Variants in ENG observed in about 807,000 individuals in gnomAD.
ENG encodes the protein endoglin, also known as CD105 antigen.
ENG carries 17 observed loss-of-function variants against 71.0 expected under a neutral mutation model. The observed-to-expected ratio is 0.24, with a 90% CI of 0.16 to 0.36. The LOEUF (loss-of-function observed/expected upper bound fraction) is 0.36. Ranked by LOEUF, ENG falls within the 10% of genes least tolerant of loss-of-function variation. The pLI is 1.00. For missense variants in ENG, 749 were observed against 868.3 expected (o/e 0.86, Z 1.73); for synonymous variants, 360 against 366.9 (o/e 0.98, Z 0.21).
intron 1 of ENG, among the ~76,000 whole-genome samples, chr9:127,850,733 C>T (rs1044926452): frequency 6.6e-5 from 10 of 152,256 alleles, no homozygotes; most frequent in African/African-American, 2.2e-4. Context: ...GAACACTCTT[C>T]AATCCCAGCC....
chr9:127,851,197 T>TA (rs1236853090), intron 1 of ENG, among the ~76,000 whole-genome samples: 1 of 152,116 alleles, frequency 6.6e-6, no homozygotes, highest in Non-Finnish European at 1.5e-5. Flanking sequence ...TTAATTGCTT[T>TA]AAAAAAATCT....
intron 1 of ENG, among the ~76,000 whole-genome samples, chr9:127,849,608 G>C (rs1435156138): frequency 1.3e-5 from 2 of 152,234 alleles, no homozygotes; most frequent in African/African-American, 4.8e-5. Flanking sequence ...GAGGAAGACA[G>C]AGCAGGGCAT....
At chr9:127,833,522 CAAAAA>C (rs57982372) in intron 2 of ENG, among the ~76,000 whole-genome samples, 19 of 66,812 alleles carry the variant, frequency 2.8e-4, no homozygotes, top group South Asian at 1.1e-3. Flanking sequence ...AACTCCGCCT[CAAAAA>C]AAAAAAAAAA....
Position 127,824,294 on chromosome 9 carries a change from G to C in ENG, c.1134+10C>G, listed in dbSNP as rs770665738. ...GTCATCCTGAGCCAGAGGGGCAGGA[G>C]TTCCCTTACCGCAACAAGCTCTTTC... On this transcript the variant is annotated intron_variant, in intron 8 of 14. Transcript: ENST00000373203. The C allele has an allele frequency of 1.9e-6, 3 of 1,613,986 alleles. No individual in the cohort carries two copies. Among genetic ancestry groups the C allele is most frequent in the Non-Finnish European group, 2.5e-6 (3 of 1,180,000 alleles).
chr9:127,850,195 A>G (rs1831256444), intron 1 of ENG, among the ~76,000 whole-genome samples: 1 of 152,196 alleles, frequency 6.6e-6, no homozygotes, highest in African/African-American at 2.4e-5. Context: ...TGTGGGGAAA[A>G]GAAGCTGAAT....
At chr9:127,825,130 TG>T (rs1830575354) in intron 6 of ENG, 100 bp downstream of exon 6, 1 of 1,607,878 alleles carries the variant, frequency 6.2e-7, no homozygotes, top group African/African-American at 1.3e-5. Context: ...ATAGGTGATT[TG>T]TCCTTCAGCT....
At position 127,816,202 on chromosome 9, in the gene ENG, G is replaced by A. The variant is rs1004652453; in HGVS notation, c.1742-149C>T. ...ACCTCAGTCTCCTCTTGCAGCAAAC[G>A]GGCTCATCACAGCCAGGCCTGGCAT... On this transcript the variant is annotated intron_variant, in intron 13 of 14. Transcript: ENST00000373203. 48 of 1,009,474 alleles carry A rather than the reference G, an allele frequency of 4.8e-5. 1 individual carries two copies. Among genetic ancestry groups the A allele is most frequent in the Non-Finnish European group, 5.8e-5 (39 of 670,286 alleles). 62.5% of individuals were successfully genotyped at this position (1,009,474 alleles called of 1,614,324 possible).
At position 127,817,386 on chromosome 9, in the gene ENG, A is replaced by T. The variant is rs1278632859; in HGVS notation, c.1687-183T>A. The T allele has an allele frequency of 4.4e-6, 3 of 677,170 alleles. No individual in the cohort carries two copies. In the East Asian group the frequency reaches 8.3e-5, roughly 19 times the overall value. 41.9% of individuals were successfully genotyped at this position (677,170 alleles called of 1,614,324 possible). On this transcript the variant is annotated intron_variant, in intron 12 of 14. Transcript: ENST00000373203. ...TGTGCTGTGGGAGGGTGCCTAGTGGACGATCCCTGGCTGCTGCTGAAATGT... is the reference window on the plus strand; with the variant it reads ...TGTGCTGTGGGAGGGTGCCTAGTGGTCGATCCCTGGCTGCTGCTGAAATGT...
intron 1 of ENG, among the ~76,000 whole-genome samples, chr9:127,845,776 A>T (rs1352493568): frequency 6.6e-6 from 1 of 152,216 alleles, no homozygotes; most frequent in Non-Finnish European, 1.5e-5. Flanking sequence ...GTGTGATAAC[A>T]GCTCACTGCA....
chr9:127,847,464 C>CT lies in ENG; in HGVS notation c.68-4220dup, dbSNP rs769538293. Among the ~76,000 whole-genome samples, 678 of 151,760 alleles carry CT rather than the reference C, an allele frequency of 4.5e-3. 3 individuals are homozygous for CT. The highest frequency in any genetic ancestry group is 7.5e-3 in the Non-Finnish European group (509 of 67,848). ...ACTTTTCTTCCCGCTGCCACCCCCC[C>CT]TTTTCTTTTCTGAGATAGAGTCTCA... is the stretch of plus-strand genomic sequence containing the variant. On this transcript the variant is annotated intron_variant, in intron 1 of 14. Coordinates refer to ENST00000373203, the MANE Select transcript of ENG (RefSeq NM_001114753.3).
chr9:127,842,231 T>C (rs563407740), intron 2 of ENG, among the ~76,000 whole-genome samples: 3,394 of 145,466 alleles, frequency 0.023, 55 homozygotes, highest in South Asian at 0.052. Flanking sequence ...TTTTCTTTTT[T>C]TTTTTTTTTT....
chr9:127,817,623 C>T, intron 12 of ENG: 1 of 362,730 alleles, frequency 2.8e-6, no homozygotes, highest in Non-Finnish European at 5.3e-6. Context: ...CCTGTCTGTG[C>T]AAGGGCCTGG....
chr9:127,839,068 C>T (rs1228323035), intron 2 of ENG, among the ~76,000 whole-genome samples: 2 of 152,226 alleles, frequency 1.3e-5, no homozygotes, highest in Non-Finnish European at 2.9e-5. Flanking sequence ...TTGCTGTGCA[C>T]TGGCTTCTGC....
chr9:127,848,050 G>A (rs1831212180), intron 1 of ENG, among the ~76,000 whole-genome samples: 1 of 152,200 alleles, frequency 6.6e-6, no homozygotes, highest in Non-Finnish European at 1.5e-5. Flanking sequence ...GTAACATGGG[G>A]ATGAGGGTCA....
At position 127,819,549 on chromosome 9, in the gene ENG, C is replaced by A. The variant is rs565686524; in HGVS notation, c.1311+73G>T. Reference sequence around the variant, plus strand: ...GAGTTTCCCGAGGCCTGCTCCCTCCCAGGCCAGGAAGAGGCCCCGGCCCAG... The same window carrying A: ...GAGTTTCCCGAGGCCTGCTCCCTCCAAGGCCAGGAAGAGGCCCCGGCCCAG... On this transcript the variant is annotated intron_variant, in intron 10 of 14. Coordinates refer to ENST00000373203, the MANE Select transcript of ENG (RefSeq NM_001114753.3). 3 of 1,603,156 alleles carry A rather than the reference C, an allele frequency of 1.9e-6. No individual in the cohort carries two copies. In the African/African-American group the frequency reaches 4.0e-5, roughly 21 times the overall value.
At chr9:127,847,386 A>G (rs1330909734) in intron 1 of ENG, among the ~76,000 whole-genome samples, 2 of 152,166 alleles carry the variant, frequency 1.3e-5, no homozygotes, top group Non-Finnish European at 2.9e-5. Context: ...GGTACTAAGT[A>G]GGTGCCCCAG....
Position 127,853,157 on chromosome 9 carries a change from T to C in ENG, c.67+1132A>G, listed in dbSNP as rs1410292983. 1.8e-4 allele frequency among the ~76,000 whole-genome samples: 27 copies of C among 152,166 alleles called. 1 individual carries two copies. Among genetic ancestry groups the C allele is most frequent in the Admixed American group, 1.8e-3 (27 of 15,278 alleles). ...AGCCGCAGGCCGGGAGTCAAATCCC[T>C]GCTAAGTCACTTAATATGTCTGAGA... On this transcript the variant is annotated intron_variant, in intron 1 of 14. Transcript: ENST00000373203.
chr9:127,817,419 G>A (rs1376392426), intron 12 of ENG: 2 of 620,608 alleles, frequency 3.2e-6, no homozygotes, highest in Non-Finnish European at 5.8e-6. Flanking sequence ...TGTTTCCTGT[G>A]AGTTCCTGGA....
At chr9:127,845,018 C>CAAAA (rs1831136733) in intron 1 of ENG, among the ~76,000 whole-genome samples, 1 of 152,156 alleles carries the variant, frequency 6.6e-6, no homozygotes, top group Admixed American at 6.5e-5. Flanking sequence ...CCAGCAGGGT[C>CAAAA]GGAAAAGGAA....
Sources: gnomAD v4.1 joint callset for allele counts (sites outside exome capture counted in the v4.1 genomes callset) on GRCh38, gnomAD v4.1.1 for gene constraint, MANE v1.5 for transcripts, NCBI Gene and HGNC (gene_info 2026-07-23, HGNC 2026-07-21) for gene names.